TTC7B: variants seen among roughly 807,000 people sequenced by gnomAD.
TTC7B encodes tetratricopeptide repeat domain 7B.
TTC7B carries 28 observed loss-of-function variants against 106.8 expected under a neutral mutation model. That is an observed-to-expected ratio of 0.26 (90% confidence interval 0.19 to 0.36). The LOEUF (loss-of-function observed/expected upper bound fraction) is 0.36, where lower values mean the gene tolerates loss of function less well. TTC7B is among the 10% of genes least tolerant of loss of function. TTC7B has a pLI of 1.00. For missense variants in TTC7B, 862 were observed against 1,076.4 expected (o/e 0.80, Z 2.79); for synonymous variants, 405 against 430.6 (o/e 0.94, Z 0.74).
intron 18 of TTC7B, among the ~76,000 whole-genome samples, chr14:90,592,213 T>C (rs1408895007): frequency 6.6e-6 from 1 of 152,170 alleles, no homozygotes; most frequent in East Asian, 1.9e-4. Flanking sequence ...AATTGGTGGA[T>C]AATAAGCACC....
At chr14:90,542,921 A>G (rs1010846545) in intron 19 of TTC7B, among the ~76,000 whole-genome samples, 1 of 152,078 alleles carries the variant, frequency 6.6e-6, no homozygotes, top group Non-Finnish European at 1.5e-5. Flanking sequence ...CATTTTGCAA[A>G]TTTTATCCCC....
chr14:90,732,346 T>G lies in TTC7B; in HGVS notation c.577-2150A>C, dbSNP rs187235893. Among the ~76,000 whole-genome samples, 198 of 152,264 alleles carry G rather than the reference T, an allele frequency of 1.3e-3. 2 individuals carry two copies. Among genetic ancestry groups the G allele is most frequent in the African/African-American group, 4.4e-3 (181 of 41,514 alleles). On this transcript the variant is annotated intron_variant, in intron 4 of 19. Transcript: ENST00000328459. Reference sequence around the variant, plus strand: ...TAGATTTCTACAACAGCCTCCTGAATGGAGTCTCCACGTCCTCTCTTGCTT... The same window carrying G: ...TAGATTTCTACAACAGCCTCCTGAAGGGAGTCTCCACGTCCTCTCTTGCTT...
chr14:90,742,277 C>T lies in TTC7B; in HGVS notation c.576+2515G>A, dbSNP rs112734451. 0.013 allele frequency among the ~76,000 whole-genome samples: 2,031 copies of T among 151,528 alleles called. 43 individuals are homozygous for T. The highest frequency in any genetic ancestry group is 0.047 in the African/African-American group (1,931 of 41,292). ...TTTCTTTTTTTTCTTTTGTTTCTCT[C>T]TCTCTCCTTCCCTCCCTTCCTCCCT... On this transcript the variant is annotated intron_variant, in intron 4 of 19. Transcript: ENST00000328459. The surrounding 1 kb of genome is among the most constrained non-coding windows in gnomAD (Gnocchi z 4.1).
Position 90,578,574 on chromosome 14 carries a change from C to A in TTC7B, c.2108-266G>T, listed in dbSNP as rs1891359700. ...AGCAGTGAGGCCTGCCTGGTCCCTG[C>A]CCCAACCTCTGAGGGCACCCACCCT... On this transcript the variant is annotated intron_variant, in intron 18 of 19. Transcript: ENST00000328459. This position sits in a 1 kb window ranked among gnomAD's most constrained non-coding sequence, Gnocchi z 4.7. Among the ~76,000 whole-genome samples, 1 of 152,054 alleles carries A rather than the reference C, an allele frequency of 6.6e-6. No homozygotes were observed. The highest frequency in any genetic ancestry group is 1.5e-5 in the Non-Finnish European group (1 of 67,998).
At position 90,689,559 on chromosome 14, in the gene TTC7B, G is replaced by C; in HGVS notation, c.931C>G (p.Arg311Gly). The C allele has an allele frequency of 1.9e-6, 3 of 1,613,896 alleles. No individual in the cohort carries two copies. Among genetic ancestry groups the C allele is most frequent in the Non-Finnish European group, 2.5e-6 (3 of 1,179,934 alleles). Residue 311 changes from arginine (R) to glycine (G), a missense_variant, in exon 7 of 20, where the codon CGT becomes GGT. Coordinates refer to ENST00000328459, the MANE Select transcript of TTC7B (RefSeq NM_001010854.2). ...TCATACTTCTCTCCTGAGTAGACAC[G>C]GGCTCTCCGAGTGAGAGTGTAGGTT... The part of the protein sequence containing the change: ...TKTYTLTRRA[R>G]VYSGENIFCP...
At chr14:90,640,262 G>A (rs984000688) in intron 15 of TTC7B, among the ~76,000 whole-genome samples, 11 of 146,292 alleles carry the variant, frequency 7.5e-5, no homozygotes, top group Admixed American at 1.4e-4. Context: ...ACAGAGTGAG[G>A]CCCTGTCTCA....
intron 17 of TTC7B, among the ~76,000 whole-genome samples, chr14:90,596,891 G>A (rs549767080): frequency 9.9e-4 from 151 of 152,176 alleles, no homozygotes; most frequent in Non-Finnish European, 1.6e-3. Flanking sequence ...AGAAGAGGGC[G>A]GCCCCCTCTC....
intron 9 of TTC7B, among the ~76,000 whole-genome samples, chr14:90,674,550 C>T (rs765232690): frequency 3.3e-5 from 5 of 152,256 alleles, no homozygotes; most frequent in Non-Finnish European, 5.9e-5. Flanking sequence ...GCTTGTCACA[C>T]CTGGCAGCTC....
chr14:90,706,447 G>A (rs776947466), intron 5 of TTC7B, among the ~76,000 whole-genome samples: 24 of 152,186 alleles, frequency 1.6e-4, no homozygotes, highest in Non-Finnish European at 3.2e-4. Flanking sequence ...ACAGGGGTGA[G>A]CCACCACACC....
At chr14:90,558,619 C>G (rs1223646914) in intron 19 of TTC7B, among the ~76,000 whole-genome samples, 1 of 152,230 alleles carries the variant, frequency 6.6e-6, no homozygotes, top group Non-Finnish European at 1.5e-5. Flanking sequence ...AGGCCTGGAA[C>G]TGATAGGCCT....
chr14:90,750,954 C>G (rs554565959), intron 3 of TTC7B, among the ~76,000 whole-genome samples: 12 of 152,330 alleles, frequency 7.9e-5, no homozygotes, highest in African/African-American at 2.9e-4. Flanking sequence ...TGTCCAGGAT[C>G]ATATCAACAC....
intron 7 of TTC7B, among the ~76,000 whole-genome samples, chr14:90,685,325 G>A (rs1291461942): frequency 6.6e-6 from 1 of 152,184 alleles, no homozygotes. Context: ...TGGTGAGAAT[G>A]TGCTTTCTGC....
chr14:90,806,135 A>T (rs2030591025), intron 1 of TTC7B, among the ~76,000 whole-genome samples: 1 of 152,252 alleles, frequency 6.6e-6, no homozygotes, highest in Non-Finnish European at 1.5e-5. Flanking sequence ...TACAGCAATG[A>T]ACAAAACCAG....
chr14:90,696,835 C>A (rs1053112275), intron 5 of TTC7B, among the ~76,000 whole-genome samples: 1 of 152,162 alleles, frequency 6.6e-6, no homozygotes, highest in African/African-American at 2.4e-5. Context: ...CTAAAGGAAA[C>A]CTAACAGAGA....
chr14:90,725,724 T>C (rs1889073953), intron 5 of TTC7B, among the ~76,000 whole-genome samples: 1 of 152,190 alleles, frequency 6.6e-6, no homozygotes, highest in Non-Finnish European at 1.5e-5. Context: ...TACAACCCCA[T>C]GGGTGCATCT....
intron 19 of TTC7B, among the ~76,000 whole-genome samples, chr14:90,552,867 G>A (rs141773789): frequency 2.0e-5 from 3 of 152,206 alleles, no homozygotes; most frequent in Admixed American, 6.5e-5. Flanking sequence ...TGTCAGAACC[G>A]AAACGGGGTG....
intron 18 of TTC7B, among the ~76,000 whole-genome samples, chr14:90,586,136 C>A (rs1237450826): frequency 6.6e-6 from 1 of 152,214 alleles, no homozygotes; most frequent in Admixed American, 6.5e-5. Flanking sequence ...ACTGATGAGC[C>A]AGACCCAGGT....
At chr14:90,726,928 G>A (rs1258497457) in intron 5 of TTC7B, among the ~76,000 whole-genome samples, 1 of 152,102 alleles carries the variant, frequency 6.6e-6, no homozygotes, top group African/African-American at 2.4e-5. Context: ...CCAGAGACTC[G>A]GGACTGGGAG....
At chr14:90,777,024 T>G (rs1429898107) in intron 3 of TTC7B, among the ~76,000 whole-genome samples, 1 of 152,024 alleles carries the variant, frequency 6.6e-6, no homozygotes. Context: ...TCACCTGAGA[T>G]CAGGAGTTCG....
Sources: gnomAD v4.1 joint callset for allele counts (sites outside exome capture counted in the v4.1 genomes callset) on GRCh38, gnomAD v4.1.1 for gene constraint, Gnocchi (gnomAD v3.1) non-coding constraint, MANE v1.5 for transcripts, NCBI Gene and HGNC (gene_info 2026-07-23, HGNC 2026-07-21) for gene names.